HMCN2: variants seen among roughly 807,000 people sequenced by gnomAD.
HMCN2 encodes the protein hemicentin-2.
HMCN2 carries 325 observed loss-of-function variants against 377.5 expected under a neutral mutation model. That is an observed-to-expected ratio of 0.86 (90% CI 0.79 to 0.94). HMCN2 has a LOEUF of 0.94. Ranked by LOEUF, HMCN2 falls within the 40% of genes least tolerant of loss-of-function variation. The probability of loss-of-function intolerance (pLI) is 0.00; values close to 1 mark genes in which losing one functional copy is unlikely to be tolerated. For synonymous variants in HMCN2, 2,007 were observed against 2,046.8 expected, an observed-to-expected ratio of 0.98 and a Z score of 0.53; for missense variants, 4,543 against 4,725.3, an observed-to-expected ratio of 0.96 and a Z score of 1.13.
In HMCN2 at chr9:130,303,865, TC is replaced by T. The variant is rs1554935509; in HGVS notation, c.1543+258del. Reference sequence around the variant, plus strand: ...TGCCCTGCCCAGCTTTGATCCCAACTCTGACTTCTCGGGGCTCGGCTTTCAG... The same window carrying T: ...TGCCCTGCCCAGCTTTGATCCCAACTTGACTTCTCGGGGCTCGGCTTTCAG... On this transcript the variant is annotated intron_variant, in intron 10 of 97. Transcript: ENST00000683500. The surrounding 1 kb of genome is among the most constrained non-coding windows in gnomAD (Gnocchi z 5.2). Among the ~76,000 whole-genome samples the T allele has an allele frequency of 1.3e-5, 2 of 152,158 alleles. No individual in the cohort carries two copies. Among genetic ancestry groups the T allele is most frequent in the African/African-American group, 4.8e-5 (2 of 41,440 alleles).
intron 28 of HMCN2, among the ~76,000 whole-genome samples, 193 bp from the exon 29 acceptor site, chr9:130,349,344 T>C (rs1189531141): frequency 1.3e-5 from 2 of 152,066 alleles, no homozygotes; most frequent in East Asian, 3.9e-4. Context: ...CTGTCACAAG[T>C]GCTACCAAAG....
chr9:130,369,794 T>A lies in HMCN2; in HGVS notation c.7012T>A (p.Cys2338Ser). The A allele has an allele frequency of 1.8e-5, 18 of 986,006 alleles. No homozygotes were observed. The highest frequency in any genetic ancestry group is 2.2e-5 in the Non-Finnish European group (18 of 830,128). The allele number at this position is 986,006 out of a possible 1,614,324, so 61.1% of individuals were successfully genotyped here. ...GGCTGCCCACACTGGACGCTACAGC[T>A]GTGTGGCCGAGAACCTGGCTGGGAG... is the stretch of plus-strand genomic sequence containing the variant. ...AQAAHTGRYS[C>S]VAENLAGRAE... Residue 2338 changes from cysteine (C) to serine (S), a missense_variant, in exon 45 of 98, where the codon TGT becomes AGT. Physicochemically the swap from Cys to Ser is moderately radical, Grantham distance 112. This residue lies in a region of HMCN2 where 1,032 missense variants were observed against 1,285.1 expected (regional missense o/e 0.80). Transcript: ENST00000683500. The surrounding 1 kb of genome is among the most constrained non-coding windows in gnomAD (Gnocchi z 4.5).
At chr9:130,315,351 CCCTCCCT>C in intron 15 of HMCN2, among the ~76,000 whole-genome samples, 1 of 21,170 alleles carries the variant, frequency 4.7e-5, no homozygotes, top group African/African-American at 2.5e-4. Flanking sequence ...CTTCCCACTC[CCCTCCCT>C]CTCCCCTCCC....
In HMCN2 at chr9:130,418,763, C is replaced by T. The variant is rs749600908; in HGVS notation, c.12962-9C>T. ...AAATGTTCCTAAAAGCCACCTGGGC[C>T]TCCCACAGGTGCTCCGGTGTTCCAG... On this transcript the variant is annotated splice_polypyrimidine_tract_variant and intron_variant, in intron 85 of 97. Transcript: ENST00000683500. 7 of 1,395,360 alleles carry T rather than the reference C, an allele frequency of 5.0e-6. No individual in the cohort carries two copies. In the South Asian group the frequency reaches 1.1e-4, roughly 22 times the overall value. 86.4% of individuals were successfully genotyped at this position (1,395,360 alleles called of 1,614,324 possible).
chr9:130,311,807 G>T (rs960406347), intron 15 of HMCN2, among the ~76,000 whole-genome samples: 9 of 152,114 alleles, frequency 5.9e-5, no homozygotes, highest in Non-Finnish European at 1.3e-4. Flanking sequence ...GTCACTCCCC[G>T]CCTGGGGAGC....
intron 61 of HMCN2, among the ~76,000 whole-genome samples, chr9:130,387,475 C>T (rs1216443198): frequency 6.6e-6 from 1 of 152,102 alleles, no homozygotes; most frequent in African/African-American, 2.4e-5. Context: ...GGCATCGTGT[C>T]CTGGCCCACA....
At chr9:130,348,067 T>C (rs1839482593) in intron 26 of HMCN2, 2 of 984,998 alleles carry the variant, frequency 2.0e-6, no homozygotes, top group African/African-American at 1.7e-5. Context: ...GTGGTCTCTG[T>C]CGGCAGGATG....
At chr9:130,288,888 TAAAC>T (rs1482063806) in intron 4 of HMCN2, among the ~76,000 whole-genome samples, 1 of 152,196 alleles carries the variant, frequency 6.6e-6, no homozygotes, top group African/African-American at 2.4e-5. Context: ...TTATAATCCT[TAAAC>T]AGACAGGGGA....
At chr9:130,350,104 C>A (rs1337891853) in intron 29 of HMCN2, among the ~76,000 whole-genome samples, 2 of 151,410 alleles carry the variant, frequency 1.3e-5, no homozygotes, top group African/African-American at 2.4e-5. Context: ...CAGATGGGGT[C>A]CTGCTTTGTT....
intron 26 of HMCN2, chr9:130,348,176 C>A: frequency 2.1e-6 from 1 of 466,498 alleles, no homozygotes; most frequent in Non-Finnish European, 2.8e-6. Flanking sequence ...TTGCTCAAGA[C>A]ATTTGTTACA....
chr9:130,326,113 C>G (rs967710823), intron 21 of HMCN2, 143 bp downstream of exon 21: 1 of 152,264 alleles, frequency 6.6e-6, no homozygotes, highest in African/African-American at 2.4e-5. Context: ...GCACAGGACC[C>G]GCGTCCCCAG....
rs1836945414 is a variant in HMCN2, at chr9:130,307,536, G to A, written c.2170G>A (p.Val724Ile). The change falls in exon 14 of 98, where the codon GTT (valine) becomes ATT (isoleucine). Residue 724 changes from valine (V) to isoleucine (I), a missense_variant. Coordinates refer to ENST00000683500, the MANE Select transcript of HMCN2 (RefSeq NM_001291815.2). ...TGTGTTGGTGTGTGAGGCATCTGGG[G>A]TTCCCCCGCCCCGAGTCATCTGGTA... is the stretch of plus-strand genomic sequence containing the variant. ...EAVLVCEASG[V>I]PPPRVIWYRG... is the part of the protein sequence containing the mutation. 1 of 471,070 alleles carries A rather than the reference G, an allele frequency of 2.1e-6. No individual in the cohort carries two copies. Among genetic ancestry groups the A allele is most frequent in the African/African-American group, 2.0e-5 (1 of 50,080 alleles). 29.2% of individuals were successfully genotyped at this position (471,070 alleles called of 1,614,324 possible). A position where few individuals can be genotyped will look rare whatever the true frequency, so the allele number is the denominator to read the frequency against.
intron 21 of HMCN2, among the ~76,000 whole-genome samples, chr9:130,326,892 G>T (rs1838161525): frequency 6.6e-6 from 1 of 152,152 alleles, no homozygotes; most frequent in Non-Finnish European, 1.5e-5. Flanking sequence ...CAGAGGGAGG[G>T]TCTGTGCATT....
At chr9:130,323,301 C>T (rs1837948467) in intron 19 of HMCN2, among the ~76,000 whole-genome samples, 2 of 152,150 alleles carry the variant, frequency 1.3e-5, no homozygotes, top group African/African-American at 4.8e-5. Context: ...GCGTGAGAGC[C>T]CCTGGCTTCT....
chr9:130,428,255 G>A lies in HMCN2; in HGVS notation c.14066-103G>A, dbSNP rs532095591. On this transcript the variant is annotated intron_variant, in intron 92 of 97. Transcript: ENST00000683500. The surrounding 1 kb of genome is among the most constrained non-coding windows in gnomAD (Gnocchi z 5.0). Reference sequence around the variant, plus strand: ...GGGACCTTCCTGCCAGTGGCTCCTGGGCCTGCGGACGAAGCCTCTGTGGAT... The same window carrying A: ...GGGACCTTCCTGCCAGTGGCTCCTGAGCCTGCGGACGAAGCCTCTGTGGAT... 8 of 1,354,042 alleles carry A rather than the reference G, an allele frequency of 5.9e-6. No individual in the cohort carries two copies. The highest frequency in any genetic ancestry group is 7.8e-6 in the Non-Finnish European group (8 of 1,024,144). 83.9% of individuals were successfully genotyped at this position (1,354,042 alleles called of 1,614,324 possible).
intron 4 of HMCN2, among the ~76,000 whole-genome samples, chr9:130,287,814 GGA>G (rs1554928544): frequency 1.3e-5 from 2 of 152,200 alleles, no homozygotes; most frequent in African/African-American, 4.8e-5. Flanking sequence ...GTAAGAGGAA[GGA>G]GAGAGAGGCA....
chr9:130,277,697 C>CCACCACCACCATCATCAT (rs1834769751), intron 1 of HMCN2, among the ~76,000 whole-genome samples: 1 of 143,964 alleles, frequency 6.9e-6, no homozygotes, highest in Non-Finnish European at 1.5e-5. Flanking sequence ...ATCATCATCA[C>CCACCACCACCATCATCAT]CACCACCACC....
intron 7 of HMCN2, 73 bp from the exon 8 acceptor site, chr9:130,298,952 G>C: frequency 2.4e-6 from 1 of 409,064 alleles, no homozygotes; most frequent in Non-Finnish European, 5.2e-6. Context: ...TGTGGTTCGA[G>C]GGCCCCTACT....
rs1036821875 is a variant in HMCN2 at position 130,382,852 on chromosome 9, G to C, written c.8719G>C (p.Gly2907Arg). 2.0e-6 allele frequency: 2 copies of C among 985,756 alleles called. No individual in the cohort carries two copies. The highest frequency in any genetic ancestry group is 1.7e-5 in the African/African-American group (1 of 57,242). The allele number at this position is 985,756 out of a possible 1,614,324, so 61.1% of individuals were successfully genotyped here. The change falls in exon 56 of 98, where the codon GGG becomes CGG. Residue 2907 changes from glycine (G) to arginine (R), a missense_variant. Physicochemically the swap from Gly to Arg is moderately radical, Grantham distance 125. Coordinates refer to ENST00000683500, the MANE Select transcript of HMCN2 (RefSeq NM_001291815.2). The stretch of plus-strand genomic sequence containing the variant: ...CCCACGGCTGCAGGTCCTGGAGGAC[G>C]GGCAAGTCTTGCAGGTCAGGGCAGC... ...PSPRLQVLED[G>R]QVLQVSTAEV...
Sources: allele counts gnomAD v4.1 joint callset (sites outside exome capture counted in the v4.1 genomes callset), GRCh38; gene constraint gnomAD v4.1.1; regional missense constraint gnomAD v4.1.1; non-coding constraint Gnocchi (gnomAD v3.1); transcripts MANE v1.5; gene names NCBI Gene and HGNC (gene_info 2026-07-23, HGNC 2026-07-21).